CSMD3: variants seen among roughly 807,000 people sequenced by gnomAD.
CSMD3 encodes CUB and Sushi multiple domains 3.
CSMD3 carries 177 observed loss-of-function variants against 435.2 expected under a neutral mutation model. The observed-to-expected ratio is 0.41, with a 90% CI of 0.36 to 0.46. CSMD3 has a LOEUF of 0.46. CSMD3 is among the 20% of genes least tolerant of loss of function. The probability of loss-of-function intolerance (pLI) is 0.34; values close to 1 mark genes in which losing one functional copy is unlikely to be tolerated. For missense variants in CSMD3, 4,265 were observed against 4,504.6 expected, an observed-to-expected ratio of 0.95 and a Z score of 1.52; for synonymous variants, 1,656 against 1,520.5, an observed-to-expected ratio of 1.09 and a Z score of -2.07.
intron 16 of CSMD3, among the ~76,000 whole-genome samples, chr8:112,680,313 G>T (rs545396652): frequency 6.6e-6 from 1 of 152,118 alleles, no homozygotes; most frequent in African/African-American, 2.4e-5. Context: ...AGCAGAAATG[G>T]TGCCACTGCT....
intron 59 of CSMD3, among the ~76,000 whole-genome samples, chr8:112,280,312 C>G (rs1818501498): frequency 6.6e-6 from 1 of 151,994 alleles, no homozygotes; most frequent in African/African-American, 2.4e-5. Context: ...ACTCTGTCAC[C>G]CAAGCTGTAG....
At chr8:112,396,410 TC>T (rs1830866627) in intron 35 of CSMD3, among the ~76,000 whole-genome samples, 1 of 152,102 alleles carries the variant, frequency 6.6e-6, no homozygotes, top group Non-Finnish European at 1.5e-5. Flanking sequence ...AGAATAAAAC[TC>T]CCCATATAAT....
intron 12 of CSMD3, among the ~76,000 whole-genome samples, chr8:112,827,164 A>AATATATCT (rs1185907951): frequency 1.2e-5 from 1 of 82,852 alleles, no homozygotes; most frequent in African/African-American, 4.7e-5. Context: ...GGTTACCATA[A>AATATATCT]ATATATATAT....
Position 112,650,162 on chromosome 8 carries a change from A to G in CSMD3, c.3192T>C (p.Asp1064=), listed in dbSNP as rs113967558. The change falls in exon 19 of 71, where the codon GAT becomes GAC. Residue 1064 remains aspartate (D), a splice_region_variant and synonymous_variant. Coordinates refer to ENST00000297405, the MANE Select transcript of CSMD3 (RefSeq NM_198123.2). ...HWWSHPLPTC[D]ALCGGDVRGP... ...TTTGCATGTCAAATGAGTTATTACC[A>G]TCACAGGTTGGAAGTGGATGACTCC... 2 of 1,609,140 alleles carry G rather than the reference A, an allele frequency of 1.2e-6. No homozygotes were observed. The highest frequency in any genetic ancestry group is 1.7e-6 in the Non-Finnish European group (2 of 1,175,416).
intron 64 of CSMD3, 114 bp from the exon 65 acceptor site, chr8:112,244,687 TTAGAA>T: frequency 1.4e-6 from 1 of 691,526 alleles, no homozygotes; most frequent in Non-Finnish European, 2.5e-6. Context: ...TACATATATC[TTAGAA>T]TAATTATTCT....
At chr8:113,018,026 C>A (rs765226065) in intron 6 of CSMD3, among the ~76,000 whole-genome samples, 9 of 151,868 alleles carry the variant, frequency 5.9e-5, no homozygotes, top group Non-Finnish European at 8.8e-5. Flanking sequence ...TAGAAATGAT[C>A]ATTATTGCAG....
At chr8:113,104,309 A>G (rs953983409) in intron 4 of CSMD3, among the ~76,000 whole-genome samples, 16 of 152,128 alleles carry the variant, frequency 1.1e-4, no homozygotes, top group African/African-American at 3.6e-4. Context: ...TGCTAAATCT[A>G]TAATTTCCAT....
intron 24 of CSMD3, among the ~76,000 whole-genome samples, chr8:112,561,410 C>A (rs756271277): frequency 6.6e-6 from 1 of 151,464 alleles, no homozygotes; most frequent in Non-Finnish European, 1.5e-5. Context: ...TCCTTTCCTG[C>A]CACCGTGTAG....
chr8:113,087,001 C>T (rs2089809562), intron 5 of CSMD3, among the ~76,000 whole-genome samples: 1 of 152,166 alleles, frequency 6.6e-6, no homozygotes, highest in Non-Finnish European at 1.5e-5. Context: ...GTTGGAACCG[C>T]ATCGCATAGC....
At chr8:112,897,677 TC>T (rs2081986048) in intron 10 of CSMD3, among the ~76,000 whole-genome samples, 2 of 58,950 alleles carry the variant, frequency 3.4e-5, no homozygotes, top group African/African-American at 1.8e-4. Context: ...TCTCTCTCTC[TC>T]TCTCTCTCTC....
In CSMD3 at chr8:113,426,268, T is replaced by G. The variant is rs140094765; in HGVS notation, c.178+10409A>C. Among the ~76,000 whole-genome samples the G allele has an allele frequency of 2.4e-3, 366 of 151,498 alleles. 2 individuals carry two copies. Among genetic ancestry groups the G allele is most frequent in the African/African-American group, 8.3e-3 (345 of 41,502 alleles). On this transcript the variant is annotated intron_variant, in intron 1 of 70. Transcript: ENST00000297405. ...ATTCAGAGAAGCCATTTCTGCATAA[T>G]GAAAATATAGTTTAAAGATGAAAAC...
intron 35 of CSMD3, among the ~76,000 whole-genome samples, chr8:112,392,713 G>A (rs1830530707): frequency 6.6e-6 from 1 of 150,896 alleles, no homozygotes; most frequent in Non-Finnish European, 1.5e-5. Flanking sequence ...GCCTCCCTAT[G>A]GCTGGTATGT....
intron 1 of CSMD3, among the ~76,000 whole-genome samples, chr8:113,344,958 T>C (rs2094142350): frequency 6.6e-6 from 1 of 152,154 alleles, no homozygotes; most frequent in Admixed American, 6.5e-5. Flanking sequence ...TTTGCTGTGT[T>C]GTAGTATTAT....
intron 10 of CSMD3, 38 bp downstream of exon 10, chr8:112,921,589 T>C (rs2130629223): frequency 6.5e-7 from 1 of 1,547,918 alleles, no homozygotes; most frequent in Non-Finnish European, 8.9e-7. Context: ...GGTTAAACTA[T>C]TAAAATGTGT....
chr8:113,253,583 T>C (rs918132603), intron 3 of CSMD3, among the ~76,000 whole-genome samples: 2 of 152,062 alleles, frequency 1.3e-5, no homozygotes, highest in Admixed American at 6.6e-5. Context: ...GGCTCACGCT[T>C]GTAATCCCAG....
chr8:113,156,824 G>C (rs911204185), intron 4 of CSMD3, among the ~76,000 whole-genome samples: 1 of 151,764 alleles, frequency 6.6e-6, no homozygotes, highest in Non-Finnish European at 1.5e-5. Context: ...CTAGATATTC[G>C]GGAGGCTGAG....
chr8:113,017,422 T>G (rs2086507258), intron 6 of CSMD3, among the ~76,000 whole-genome samples: 1 of 133,930 alleles, frequency 7.5e-6, no homozygotes. Context: ...AAATATCGCT[T>G]AATATTTGAG....
chr8:112,898,764 G>A (rs184264430), intron 10 of CSMD3, among the ~76,000 whole-genome samples: 1 of 151,192 alleles, frequency 6.6e-6, no homozygotes, highest in Admixed American at 6.6e-5. Context: ...ATCACAGTAT[G>A]TTTTATCTTT....
chr8:113,181,099 A>T (rs1415230693), intron 3 of CSMD3, among the ~76,000 whole-genome samples: 1 of 151,944 alleles, frequency 6.6e-6, no homozygotes, highest in Non-Finnish European at 1.5e-5. Flanking sequence ...GTTGCTAGAA[A>T]AGAAATAAGA....
Sources: allele counts gnomAD v4.1 joint callset (sites outside exome capture counted in the v4.1 genomes callset), GRCh38; gene constraint gnomAD v4.1.1; transcripts MANE v1.5; gene names NCBI Gene and HGNC (gene_info 2026-07-23, HGNC 2026-07-21).